Variants in GLG1 observed in about 807,000 individuals in gnomAD.
The protein encoded by GLG1 is Golgi apparatus protein 1.
Under a neutral mutation model 160.5 loss-of-function variants are expected in GLG1, and 38 were observed. The ratio of observed to expected loss-of-function variants is 0.24; its 90% confidence interval spans 0.18 to 0.31. GLG1 has a LOEUF of 0.31. Among genes scored for constraint, GLG1 ranks in the 10% least tolerant of loss-of-function variants. The pLI, the probability that GLG1 is intolerant of heterozygous loss-of-function variation, is 1.00. For synonymous variants in GLG1, 644 were observed against 543.4 expected (o/e 1.19, Z -2.57); for missense variants, 1,373 against 1,505.2 (o/e 0.91, Z 1.45).
intron 1 of GLG1, among the ~76,000 whole-genome samples, chr16:74,542,741 GGA>G (rs1491548310): frequency 1.4e-3 from 14 of 9,688 alleles, no homozygotes; most frequent in Non-Finnish European, 3.9e-3. Context: ...AAGGGAGGAA[GGA>G]AGGAAGGAAG....
intron 14 of GLG1, among the ~76,000 whole-genome samples, chr16:74,471,753 T>C (rs1211661343): frequency 2.0e-5 from 3 of 152,324 alleles, no homozygotes; most frequent in East Asian, 3.9e-4. Context: ...GCTGATGTAC[T>C]GGAATCAACC....
At chr16:74,592,093 T>TA (rs1958198576) in intron 1 of GLG1, among the ~76,000 whole-genome samples, 2 of 152,108 alleles carry the variant, frequency 1.3e-5, no homozygotes, top group South Asian at 2.1e-4. Flanking sequence ...CTTGGCCGCC[T>TA]AAAGTGCTGG....
intron 1 of GLG1, among the ~76,000 whole-genome samples, chr16:74,547,612 T>C (rs1235469484): frequency 6.6e-6 from 1 of 152,262 alleles, no homozygotes; most frequent in Non-Finnish European, 1.5e-5. Context: ...AGCCAATCAT[T>C]AATTGCATGA....
chr16:74,476,115 G>C (rs1597242214), intron 12 of GLG1, among the ~76,000 whole-genome samples: 1 of 152,064 alleles, frequency 6.6e-6, no homozygotes, highest in Admixed American at 6.6e-5. Context: ...CCGGGAGGCA[G>C]AGGTTGCAGT....
intron 1 of GLG1, among the ~76,000 whole-genome samples, chr16:74,599,294 G>A (rs760571454): frequency 1.1e-4 from 16 of 152,040 alleles, no homozygotes; most frequent in South Asian, 2.1e-4. Context: ...TCTCTATTTC[G>A]GTCAATACAG....
Position 74,565,181 on chromosome 16 carries a change from T to C in GLG1, c.439-33028A>G, listed in dbSNP as rs144326468. On this transcript the variant is annotated intron_variant, in intron 1 of 25. Transcript: ENST00000422840. ...CTGTCTCTACTAAAAATATAAAAAT[T>C]AGACAGGTGCAGTAGCACACGCCTA... 1.1e-4 allele frequency among the ~76,000 whole-genome samples: 16 copies of C among 152,024 alleles called. No homozygotes were observed. In the East Asian group the frequency reaches 1.9e-3, roughly 18 times the overall value.
At chr16:74,491,364 AGC>A in intron 7 of GLG1, 149 bp from the exon 8 acceptor site, 1 of 643,392 alleles carries the variant, frequency 1.6e-6, no homozygotes, top group East Asian at 2.7e-5. Flanking sequence ...AATTAGCAAA[AGC>A]TTTAGCAGCA....
chr16:74,454,281 C>T (rs2014439467), intron 25 of GLG1, among the ~76,000 whole-genome samples: 1 of 151,998 alleles, frequency 6.6e-6, no homozygotes, highest in Non-Finnish European at 1.5e-5. Context: ...TCACAGCTCA[C>T]TACAACCTCA....
At chr16:74,555,359 T>C (rs2018323064) in intron 1 of GLG1, among the ~76,000 whole-genome samples, 1 of 152,184 alleles carries the variant, frequency 6.6e-6, no homozygotes, top group African/African-American at 2.4e-5. Context: ...AACGCAAGTT[T>C]CCTTGACATT....
chr16:74,510,445 T>G (rs2016767442), intron 2 of GLG1, among the ~76,000 whole-genome samples: 1 of 152,214 alleles, frequency 6.6e-6, no homozygotes, highest in East Asian at 1.9e-4. Flanking sequence ...TCCATAAAAA[T>G]ATTTTGATAA....
At chr16:74,582,631 T>C (rs942189460) in intron 1 of GLG1, among the ~76,000 whole-genome samples, 1 of 151,320 alleles carries the variant, frequency 6.6e-6, no homozygotes, top group African/African-American at 2.4e-5. Context: ...CCATCCTGGC[T>C]AACACAGTGA....
chr16:74,594,016 C>A (rs1334680297), intron 1 of GLG1, among the ~76,000 whole-genome samples: 1 of 152,104 alleles, frequency 6.6e-6, no homozygotes, highest in Non-Finnish European at 1.5e-5. Flanking sequence ...AAGCAATTCT[C>A]CTGCCTCACC....
Position 74,457,766 on chromosome 16 carries a change from C to T in GLG1, c.3265+108G>A, listed in dbSNP as rs1037324961. On this transcript the variant is annotated intron_variant, in intron 24 of 25. Transcript: ENST00000422840. ...GGGAATGTTGTCTATGACTGGGCTA[C>T]AACTACAGACCATACAGACCACAGT... 13 of 990,680 alleles carry T rather than the reference C, an allele frequency of 1.3e-5. No individual in the cohort carries two copies. The African/African-American group carries it at 2.1e-4, about 16-fold the overall frequency. 61.4% of individuals were successfully genotyped at this position (990,680 alleles called of 1,614,324 possible).
At chr16:74,467,276 T>A (rs979709675) in intron 18 of GLG1, among the ~76,000 whole-genome samples, 18 of 152,338 alleles carry the variant, frequency 1.2e-4, no homozygotes, top group East Asian at 5.8e-4. Flanking sequence ...AACATTTTTT[T>A]AAAAATCATT....
intron 1 of GLG1, among the ~76,000 whole-genome samples, chr16:74,567,682 C>T (rs1004069677): frequency 4.6e-5 from 7 of 150,990 alleles, no homozygotes; most frequent in Non-Finnish European, 1.0e-4. Context: ...CATTCTCCTG[C>T]CTCAGCCTCC....
Position 74,508,945 on chromosome 16 carries a change from A to G in GLG1, c.472-20T>C, listed in dbSNP as rs760345891. ...CAACAACTAGATAGGAGAGGAAAAA[A>G]AAAAACAAAGAAAAACTCCAGTTAG... On this transcript the variant is annotated intron_variant, in intron 2 of 25. Coordinates refer to ENST00000422840, the MANE Select transcript of GLG1 (RefSeq NM_001145667.2). 3.9e-6 allele frequency: 4 copies of G among 1,036,944 alleles called. No individual in the cohort carries two copies. Among genetic ancestry groups the G allele is most frequent in the Non-Finnish European group, 5.9e-6 (4 of 673,906 alleles). The allele number at this position is 1,036,944 out of a possible 1,614,324, so 64.2% of individuals were successfully genotyped here.
chr16:74,500,925 A>C (rs1237168196), intron 4 of GLG1, among the ~76,000 whole-genome samples: 1 of 152,192 alleles, frequency 6.6e-6, no homozygotes, highest in Non-Finnish European at 1.5e-5. Context: ...AAAAAATCAT[A>C]GTTTTGAAAT....
At chr16:74,548,008 G>A (rs1394351515) in intron 1 of GLG1, among the ~76,000 whole-genome samples, 2 of 152,218 alleles carry the variant, frequency 1.3e-5, no homozygotes, top group Non-Finnish European at 2.9e-5. Flanking sequence ...GCGGCTCACT[G>A]CAACTTCCAC....
intron 1 of GLG1, among the ~76,000 whole-genome samples, chr16:74,546,073 C>T (rs2018036882): frequency 6.6e-6 from 1 of 152,198 alleles, no homozygotes; most frequent in Non-Finnish European, 1.5e-5. Context: ...CAAAGACGAT[C>T]AGATCTTACC....
Sources: gnomAD v4.1 joint callset for allele counts (sites outside exome capture counted in the v4.1 genomes callset) on GRCh38, gnomAD v4.1.1 for gene constraint, MANE v1.5 for transcripts, NCBI Gene and HGNC (gene_info 2026-07-23, HGNC 2026-07-21) for gene names.